DPP6: variants seen among roughly 807,000 people sequenced by gnomAD.
DPP6 encodes dipeptidyl peptidase like 6, also known as A-type potassium channel modulatory protein DPP6.
DPP6 carries 69 observed loss-of-function variants against 122.6 expected under a neutral mutation model. That is an observed-to-expected ratio of 0.56 (90% CI 0.46 to 0.69). The LOEUF is 0.69. Among genes scored for constraint, DPP6 ranks in the 30% least tolerant of loss-of-function variants. The pLI is 0.00. For missense variants in DPP6, 928 were observed against 1,116.9 expected (o/e 0.83, Z 2.41); for synonymous variants, 418 against 433.1 (o/e 0.97, Z 0.43).
At chr7:154,135,463 T>C (rs1338851195) in intron 1 of DPP6, among the ~76,000 whole-genome samples, 1 of 151,106 alleles carries the variant, frequency 6.6e-6, no homozygotes, top group African/African-American at 2.4e-5. Context: ...CCTATCTGTG[T>C]ACTTCCTGTG....
chr7:153,887,594 C>T (rs1798986723), exon 1 of DPP6: 2 of 1,497,994 alleles, frequency 1.3e-6, no homozygotes, highest in Admixed American at 3.7e-5. Context: ...ATCCAGTCTT[C>T]AGCCAGTCCA....
At chr7:154,140,918 C>A (rs1040567072) in intron 1 of DPP6, among the ~76,000 whole-genome samples, 2 of 152,170 alleles carry the variant, frequency 1.3e-5, no homozygotes, top group African/African-American at 2.4e-5. Context: ...TATGGATTGA[C>A]CCCGCTAAGT....
Position 154,877,240 on chromosome 7 carries a change from G to C in DPP6, c.2078+1140G>C, listed in dbSNP as rs1049316932. 1 of 152,272 alleles carries C rather than the reference G, an allele frequency of 6.6e-6. No individual in the cohort carries two copies. The allele number at this position is 152,272 out of a possible 1,614,324, so 9.4% of individuals were successfully genotyped here. A position where few individuals can be genotyped will look rare whatever the true frequency, so the allele number is the denominator to read the frequency against. ...AATGGTTCCGGTCCTCCTCCAGGGAGCTATGAGCTGGGTGATGGCAGACAA... is the reference window on the plus strand; with the variant it reads ...AATGGTTCCGGTCCTCCTCCAGGGACCTATGAGCTGGGTGATGGCAGACAA... On this transcript the variant is annotated intron_variant, in intron 20 of 25. Coordinates refer to ENST00000377770, the MANE Select transcript of DPP6 (RefSeq NM_130797.4). The surrounding 1 kb of genome is among the most constrained non-coding windows in gnomAD (Gnocchi z 5.2).
chr7:154,388,145 T>C (rs1216550597), intron 1 of DPP6, among the ~76,000 whole-genome samples: 2 of 151,880 alleles, frequency 1.3e-5, no homozygotes, highest in African/African-American at 2.4e-5. Flanking sequence ...CTATTAAAAA[T>C]ACAAAAAACT....
chr7:153,857,594 G>A, the DPP6 span, among the ~76,000 whole-genome samples: 3 of 152,152 alleles, frequency 2.0e-5, no homozygotes, highest in Non-Finnish European at 4.4e-5. Context: ...TATTTGGGAT[G>A]ATGTTTTTTG....
intron 1 of DPP6, among the ~76,000 whole-genome samples, chr7:154,154,779 G>T (rs1428528570): frequency 6.6e-6 from 1 of 152,198 alleles, no homozygotes; most frequent in African/African-American, 2.4e-5. Context: ...CTGCATACAT[G>T]CATGTACACA....
the DPP6 span, among the ~76,000 whole-genome samples, chr7:153,818,636 G>C: frequency 3.3e-5 from 5 of 151,858 alleles, no homozygotes; most frequent in East Asian, 9.7e-4. Context: ...TGTAGGTTAA[G>C]ATAGCCAAAG....
In DPP6 at chr7:154,803,865, C is replaced by G; in HGVS notation, c.1409C>G (p.Pro470Arg). 1 of 1,613,382 alleles carries G rather than the reference C, an allele frequency of 6.2e-7. No homozygotes were observed. Among genetic ancestry groups the G allele is most frequent in the South Asian group, 1.1e-5 (1 of 90,952 alleles). The stretch of plus-strand genomic sequence containing the variant: ...TGATGCCATGTCTGTGTGTTTCAGC[C>G]CAACAGCAGCAACGACAACATCCAG... ...FYHITVSSSQ[P>R]NSSNDNIQSI... The change falls in exon 14 of 26, where the codon CCC becomes CGC. Residue 470 changes from proline to arginine, a missense_variant and splice_region_variant. Physicochemically the swap from Pro to Arg is moderately radical, Grantham distance 103. Transcript: ENST00000377770.
At chr7:154,505,619 C>G (rs879754740) in intron 3 of DPP6, among the ~76,000 whole-genome samples, 2 of 152,092 alleles carry the variant, frequency 1.3e-5, no homozygotes, top group Admixed American at 6.6e-5. Flanking sequence ...TCTTCAATTG[C>G]ATCATTTCTG....
chr7:154,668,282 A>G (rs1324586482), intron 6 of DPP6, among the ~76,000 whole-genome samples: 5 of 136,710 alleles, frequency 3.7e-5, no homozygotes, highest in African/African-American at 5.2e-5. Context: ...GTGTAGTGGC[A>G]TGATCTCCGC....
intron 1 of DPP6, among the ~76,000 whole-genome samples, chr7:154,265,260 CG>C (rs1803348554): frequency 6.6e-6 from 1 of 151,058 alleles, no homozygotes; most frequent in African/African-American, 2.4e-5. Flanking sequence ...GTGTTAATGG[CG>C]ATGATGATGA....
At chr7:154,878,752 G>A (rs551065714) in intron 20 of DPP6, among the ~76,000 whole-genome samples, 2 of 152,262 alleles carry the variant, frequency 1.3e-5, no homozygotes, top group Admixed American at 6.5e-5. Context: ...GACTAGGGCC[G>A]GTGGGCTCCT....
At chr7:154,098,555 A>G (rs538015843) in intron 1 of DPP6, among the ~76,000 whole-genome samples, 36 of 150,886 alleles carry the variant, frequency 2.4e-4, no homozygotes, top group Non-Finnish European at 3.8e-4. Flanking sequence ...CTAACACACT[A>G]TGGTCTGGAG....
At chr7:154,264,376 C>T (rs570799412) in intron 1 of DPP6, among the ~76,000 whole-genome samples, 99 of 152,180 alleles carry the variant, frequency 6.5e-4, no homozygotes, top group African/African-American at 2.3e-3. Context: ...TGTCACATAA[C>T]GATTAAGAAC....
At chr7:153,989,029 GCCTGCTCTTCC>G (rs1318173615) in intron 1 of DPP6, among the ~76,000 whole-genome samples, 1 of 150,422 alleles carries the variant, frequency 6.6e-6, no homozygotes, top group Admixed American at 6.7e-5. Context: ...CTTTTCCCTG[GCCTGCTCTTCC>G]CCTGCCCTTT....
At chr7:154,740,430 A>C (rs557811518) in intron 8 of DPP6, among the ~76,000 whole-genome samples, 155 of 152,316 alleles carry the variant, frequency 1.0e-3, no homozygotes, top group African/African-American at 3.4e-3. Context: ...ATGTACTTAA[A>C]AGAGTTTCAT....
chr7:154,848,430 G>A (rs1802116318), intron 16 of DPP6, among the ~76,000 whole-genome samples: 1 of 152,118 alleles, frequency 6.6e-6, no homozygotes, highest in Admixed American at 6.5e-5. Flanking sequence ...TAGTGATGCT[G>A]AATATTTTTC....
intron 4 of DPP6, among the ~76,000 whole-genome samples, chr7:154,564,845 G>A (rs79181347): frequency 0.043 from 6,536 of 152,252 alleles, 594 homozygotes; most frequent in East Asian, 0.41. Context: ...ATTCCCAACT[G>A]CAGCAGAACA....
intron 3 of DPP6, among the ~76,000 whole-genome samples, chr7:154,507,673 A>T (rs1184155905): frequency 6.6e-6 from 1 of 152,166 alleles, no homozygotes; most frequent in African/African-American, 2.4e-5. Flanking sequence ...AGAGGGTTTG[A>T]TGTCATCTCA....
Sources: allele counts gnomAD v4.1 joint callset (sites outside exome capture counted in the v4.1 genomes callset), GRCh38; gene constraint gnomAD v4.1.1; non-coding constraint Gnocchi (gnomAD v3.1); transcripts MANE v1.5; gene names NCBI Gene and HGNC (gene_info 2026-07-23, HGNC 2026-07-21).